The following LIMA1 variants were observed in gnomAD, a reference collection of about 807,000 sequenced individuals.
The protein encoded by LIMA1 is LIM domain and actin binding 1.
A neutral mutation model predicts 62.6 loss-of-function variants in LIMA1; 52 were observed. The observed-to-expected ratio is 0.83, with a 90% CI of 0.67 to 1.05. The LOEUF is 1.05. Ranked by LOEUF, LIMA1 falls within the 50% of genes least tolerant of loss-of-function variation. LIMA1 has a pLI of 0.00. For synonymous variants in LIMA1, 302 were observed against 317.8 expected (o/e 0.95, Z 0.53); for missense variants, 780 against 902.2 (o/e 0.86, Z 1.74).
chr12:50,222,786 A>C (rs1396962181), intron 3 of LIMA1: 1 of 900,516 alleles, frequency 1.1e-6, no homozygotes, highest in African/African-American at 1.7e-5. Context: ...ATGCGAAACA[A>C]GAGATTTTTA....
At chr12:50,262,244 A>G (rs1334062676) in intron 1 of LIMA1, among the ~76,000 whole-genome samples, 7 of 152,226 alleles carry the variant, frequency 4.6e-5, no homozygotes, top group African/African-American at 1.7e-4. Flanking sequence ...TTTAGAAACC[A>G]AAAGGAAGAT....
chr12:50,226,486 C>T (rs1941529095), intron 3 of LIMA1, among the ~76,000 whole-genome samples: 1 of 152,136 alleles, frequency 6.6e-6, no homozygotes, highest in Non-Finnish European at 1.5e-5. Flanking sequence ...TGTGATACCC[C>T]TTTTTCTTAG....
At chr12:50,235,125 G>A (rs1941672263) in intron 2 of LIMA1, among the ~76,000 whole-genome samples, 1 of 151,800 alleles carries the variant, frequency 6.6e-6, no homozygotes, top group Admixed American at 6.6e-5. Context: ...TTTAGTATAG[G>A]GTCACGCTAT....
At position 50,222,892 on chromosome 12, in the gene LIMA1, G is replaced by C. The variant is rs139147577; in HGVS notation, c.166-407C>G. ...ACATCAGCAAAGTTCATCATTACCT[G>C]CCATAAAATAACATGGTAAATTCTG... is the stretch of plus-strand genomic sequence containing the variant. On this transcript the variant is annotated intron_variant, in intron 3 of 10. Coordinates refer to ENST00000341247, the MANE Select transcript of LIMA1 (RefSeq NM_016357.5). 5.1e-3 allele frequency among the ~76,000 whole-genome samples: 776 copies of C among 152,150 alleles called. 24 individuals carry two copies. The highest frequency in any genetic ancestry group is 0.047 in the Admixed American group (716 of 15,282).
intron 2 of LIMA1, among the ~76,000 whole-genome samples, chr12:50,240,652 T>G (rs1360271254): frequency 6.6e-6 from 1 of 152,006 alleles, no homozygotes; most frequent in African/African-American, 2.4e-5. Context: ...ACGGGGAAGA[T>G]CAAGAGTTCA....
chr12:50,263,863 A>ATATATATAAAG (rs1942106178), intron 1 of LIMA1, among the ~76,000 whole-genome samples: 6 of 132,148 alleles, frequency 4.5e-5, no homozygotes, highest in African/African-American at 1.7e-4. Flanking sequence ...GAGAGTATAT[A>ATATATATAAAG]TATATATATA....
At chr12:50,230,678 GC>G (rs1941597591) in intron 3 of LIMA1, among the ~76,000 whole-genome samples, 1 of 151,870 alleles carries the variant, frequency 6.6e-6, no homozygotes, top group African/African-American at 2.4e-5. Context: ...CCAGGTTCAC[GC>G]CATTCTCCTG....
chr12:50,282,375 A>T (rs1041807646), intron 1 of LIMA1, among the ~76,000 whole-genome samples: 1 of 152,240 alleles, frequency 6.6e-6, no homozygotes, highest in Non-Finnish European at 1.5e-5. Context: ...AAGAAAGAAT[A>T]CTTAATGCAA....
chr12:50,190,682 ATTTTTTTTTTTT>A (rs762182699), intron 9 of LIMA1, among the ~76,000 whole-genome samples: 12 of 93,038 alleles, frequency 1.3e-4, no homozygotes, highest in South Asian at 3.3e-4. Flanking sequence ...ACCCGGCCTC[ATTTTTTTTTTTT>A]TTTTTTTTTT....
At chr12:50,246,247 AAAAG>A (rs1399135024) in intron 2 of LIMA1, among the ~76,000 whole-genome samples, 2 of 151,498 alleles carry the variant, frequency 1.3e-5, no homozygotes, top group Non-Finnish European at 2.9e-5. Flanking sequence ...AAAAAAAAAA[AAAAG>A]AAAGAGCAGG....
intron 8 of LIMA1, among the ~76,000 whole-genome samples, chr12:50,194,860 C>T (rs1226708465): frequency 6.6e-6 from 1 of 152,070 alleles, no homozygotes; most frequent in African/African-American, 2.4e-5. Flanking sequence ...CCAGCCTGGG[C>T]TACATGGTGA....
At position 50,176,524 on chromosome 12, in the gene LIMA1, T is replaced by C. The variant is rs1940339137; in HGVS notation, c.*540A>G. 6.6e-6 allele frequency: 1 copy of C among 152,594 alleles called. No homozygotes were observed. The highest frequency in any genetic ancestry group is 2.1e-4 in the South Asian group (1 of 4,838). 9.5% of individuals were successfully genotyped at this position (152,594 alleles called of 1,614,324 possible). On this transcript the variant is annotated 3_prime_UTR_variant, in exon 11 of 11. Transcript: ENST00000341247. Reference sequence around the variant, plus strand: ...CATAAAGTAGTAAATTCCTCATATATATCACAGCAAGAAAATTAACCTAAA... The same window carrying C: ...CATAAAGTAGTAAATTCCTCATATACATCACAGCAAGAAAATTAACCTAAA...
At chr12:50,213,307 T>TA (rs1941289955) in intron 4 of LIMA1, among the ~76,000 whole-genome samples, 1 of 152,254 alleles carries the variant, frequency 6.6e-6, no homozygotes, top group African/African-American at 2.4e-5. Context: ...CCAGTTTCCT[T>TA]AGATTTCAAA....
intron 1 of LIMA1, among the ~76,000 whole-genome samples, chr12:50,250,361 G>GGGA (rs1346515250): frequency 6.6e-6 from 1 of 150,674 alleles, no homozygotes; most frequent in Non-Finnish European, 1.5e-5. Flanking sequence ...CCAGCACTTT[G>GGGA]GGAGGATAGC....
chr12:50,242,607 T>C (rs1232890599), intron 2 of LIMA1, among the ~76,000 whole-genome samples: 1 of 152,206 alleles, frequency 6.6e-6, no homozygotes, highest in Non-Finnish European at 1.5e-5. Context: ...TTCTACCATC[T>C]TGGTGTATGA....
intron 1 of LIMA1, among the ~76,000 whole-genome samples, chr12:50,259,773 A>G (rs1191207549): frequency 6.6e-6 from 1 of 152,228 alleles, no homozygotes; most frequent in Non-Finnish European, 1.5e-5. Flanking sequence ...CAATAGCACA[A>G]TTGTAACATT....
At position 50,280,144 on chromosome 12, in the gene LIMA1, A is replaced by ATTTTTTTT. The variant is rs71441354; in HGVS notation, c.-24+3268_-24+3275dup. 2.5e-3 allele frequency among the ~76,000 whole-genome samples: 168 copies of ATTTTTTTT among 68,312 alleles called. 21 individuals are homozygous for ATTTTTTTT. The highest frequency in any genetic ancestry group is 4.8e-3 in the African/African-American group (80 of 16,606). 44.8% of individuals were successfully genotyped at this position (68,312 alleles called of 152,430 possible). ...AAGTTCTTAGTTTCAGGGTAGTAGT[A>ATTTTTTTT]TTTTTTTTTTTTTTTTTTTTTTTTT... On this transcript the variant is annotated intron_variant, in intron 1 of 10. Coordinates refer to ENST00000341247, the MANE Select transcript of LIMA1 (RefSeq NM_016357.5).
intron 8 of LIMA1, among the ~76,000 whole-genome samples, chr12:50,195,373 T>C (rs2138444288): frequency 6.6e-6 from 1 of 152,234 alleles, no homozygotes; most frequent in East Asian, 1.9e-4. Flanking sequence ...CCCTAGAACC[T>C]GGCTAGGAGG....
At position 50,253,158 on chromosome 12, in the gene LIMA1, G is replaced by A. The variant is rs1357295752; in HGVS notation, c.-23-4384C>T. Among the ~76,000 whole-genome samples, 3 of 151,898 alleles carry A rather than the reference G, an allele frequency of 2.0e-5. No homozygotes were observed. In the East Asian group the frequency reaches 5.8e-4, roughly 29 times the overall value. On this transcript the variant is annotated intron_variant, in intron 1 of 10. Transcript: ENST00000341247. ...GAGACAGTAAATATAGAAAGAAGAG[G>A]GAAAATGATGAGTGTTGATTTACAC...
Sources: allele counts gnomAD v4.1 joint callset (sites outside exome capture counted in the v4.1 genomes callset), GRCh38; gene constraint gnomAD v4.1.1; transcripts MANE v1.5; gene names NCBI Gene and HGNC (gene_info 2026-07-23, HGNC 2026-07-21).